Variants in STX8 observed in about 807,000 individuals in gnomAD.
The protein encoded by STX8 is syntaxin 8, also known as syntaxin-8.
Under a neutral mutation model 37.5 loss-of-function variants are expected in STX8, and 23 were observed. The ratio of observed to expected loss-of-function variants is 0.61; its 90% CI spans 0.44 to 0.87. STX8 has a LOEUF of 0.87. Ranked by LOEUF, STX8 falls within the 40% of genes least tolerant of loss-of-function variation. STX8 has a pLI of 0.00. For missense variants in STX8, 313 were observed against 284.7 expected (o/e 1.10, Z -0.71); for synonymous variants, 115 against 99.1 (o/e 1.16, Z -0.95).
At chr17:9,314,234 T>C (rs1258941377) in intron 7 of STX8, among the ~76,000 whole-genome samples, 1 of 152,182 alleles carries the variant, frequency 6.6e-6, no homozygotes, top group Non-Finnish European at 1.5e-5. Context: ...CCAATGTCCG[T>C]GAGGAATAGA....
intron 7 of STX8, among the ~76,000 whole-genome samples, chr17:9,317,392 G>T (rs1204370828): frequency 6.6e-6 from 1 of 152,140 alleles, no homozygotes; most frequent in Non-Finnish European, 1.5e-5. Context: ...AGGATTCACT[G>T]AAGATCTTTA....
At chr17:9,558,822 CAA>C (rs35485022) in intron 2 of STX8, among the ~76,000 whole-genome samples, 15 of 104,394 alleles carry the variant, frequency 1.4e-4, no homozygotes, top group Non-Finnish European at 1.4e-4. Context: ...GACTCCGTCT[CAA>C]AAAAAAAAAA....
intron 4 of STX8, among the ~76,000 whole-genome samples, chr17:9,513,369 C>G (rs1905079838): frequency 6.8e-6 from 1 of 147,354 alleles, no homozygotes; most frequent in African/African-American, 2.5e-5. Flanking sequence ...GACAAATGAT[C>G]TGACCAGACA....
chr17:9,554,904 CAA>C (rs34545907), intron 3 of STX8: 10 of 55,542 alleles, frequency 1.8e-4, no homozygotes, highest in Admixed American at 2.1e-4. Flanking sequence ...GACTCCATCT[CAA>C]AAAAAAAAAA....
intron 4 of STX8, among the ~76,000 whole-genome samples, chr17:9,508,867 A>C (rs1904934173): frequency 6.6e-6 from 1 of 152,250 alleles, no homozygotes; most frequent in African/African-American, 2.4e-5. Context: ...AAGCTAAAAG[A>C]ATCCCAAATA....
chr17:9,368,220 A>T (rs1181445906), intron 7 of STX8, among the ~76,000 whole-genome samples: 1 of 150,104 alleles, frequency 6.7e-6, no homozygotes, highest in Non-Finnish European at 1.5e-5. Flanking sequence ...GAAAACATTG[A>T]TGGGCCAGGC....
At chr17:9,422,456 C>G (rs1398413126) in intron 6 of STX8, among the ~76,000 whole-genome samples, 1 of 152,222 alleles carries the variant, frequency 6.6e-6, no homozygotes, top group Non-Finnish European at 1.5e-5. Context: ...GACTAATACA[C>G]CCCTCTCCCT....
chr17:9,534,673 A>G (rs779119657), intron 4 of STX8, among the ~76,000 whole-genome samples: 2 of 152,106 alleles, frequency 1.3e-5, no homozygotes, highest in Admixed American at 6.6e-5. Context: ...CTGTAATCCC[A>G]GCTACTTGGG....
chr17:9,370,922 G>GAA (rs11435753), intron 7 of STX8, among the ~76,000 whole-genome samples: 393 of 141,556 alleles, frequency 2.8e-3, no homozygotes, highest in Middle Eastern at 0.015. Context: ...TTAGAAGCTA[G>GAA]AAAAAAAAAA....
intron 6 of STX8, among the ~76,000 whole-genome samples, chr17:9,435,821 CATTT>C (rs1904411394): frequency 2.0e-5 from 3 of 152,078 alleles, no homozygotes; most frequent in Admixed American, 2.0e-4. Flanking sequence ...TAACTATCTC[CATTT>C]ATTCATTCTA....
At chr17:9,384,906 T>G (rs2142293592) in intron 6 of STX8, among the ~76,000 whole-genome samples, 1 of 142,820 alleles carries the variant, frequency 7.0e-6, no homozygotes. Flanking sequence ...GATATATGTA[T>G]GAGGAAGTAA....
chr17:9,534,092 A>G (rs1277217495), intron 4 of STX8, among the ~76,000 whole-genome samples: 1 of 152,222 alleles, frequency 6.6e-6, no homozygotes, highest in Non-Finnish European at 1.5e-5. Flanking sequence ...AAATACAAAA[A>G]AAGCCAAGAT....
chr17:9,495,116 A>T (rs1904336508), intron 5 of STX8, among the ~76,000 whole-genome samples: 2 of 152,200 alleles, frequency 1.3e-5, no homozygotes, highest in African/African-American at 4.8e-5. Flanking sequence ...TCTTTAATTC[A>T]TCTGGAATTT....
chr17:9,444,276 A>AC (rs1904764778), intron 6 of STX8, among the ~76,000 whole-genome samples: 2 of 152,082 alleles, frequency 1.3e-5, no homozygotes, highest in South Asian at 4.1e-4. Flanking sequence ...GGCATGAGCC[A>AC]CCCCTCCCTG....
chr17:9,378,030 A>G (rs1202652054), intron 7 of STX8: 1 of 154,354 alleles, frequency 6.5e-6, no homozygotes, highest in Non-Finnish European at 1.4e-5. Flanking sequence ...CCCTAGATCT[A>G]CTCAATCAGA....
intron 6 of STX8, among the ~76,000 whole-genome samples, chr17:9,436,736 T>C (rs1052127180): frequency 2.0e-5 from 3 of 152,244 alleles, no homozygotes; most frequent in African/African-American, 7.2e-5. Flanking sequence ...AGCTCTGGGA[T>C]GTAGGGATCT....
chr17:9,539,623 A>C (rs1456251315), intron 4 of STX8, among the ~76,000 whole-genome samples: 1 of 152,040 alleles, frequency 6.6e-6, no homozygotes, highest in Non-Finnish European at 1.5e-5. Flanking sequence ...AGGGAAAGAC[A>C]CCTACCCTCC....
chr17:9,424,852 G>A (rs577136749), intron 6 of STX8, among the ~76,000 whole-genome samples: 2 of 152,304 alleles, frequency 1.3e-5, no homozygotes, highest in Non-Finnish European at 2.9e-5. Flanking sequence ...AGATATGACA[G>A]TCCCCTTCCC....
intron 6 of STX8, among the ~76,000 whole-genome samples, chr17:9,442,779 C>T (rs1297197277): frequency 2.0e-5 from 3 of 152,140 alleles, no homozygotes; most frequent in Admixed American, 6.5e-5. Flanking sequence ...TCCCAAATTA[C>T]AGCACTGAGG....
Sources: gnomAD v4.1 joint callset for allele counts (sites outside exome capture counted in the v4.1 genomes callset) on GRCh38, gnomAD v4.1.1 for gene constraint, MANE v1.5 for transcripts, NCBI Gene and HGNC (gene_info 2026-07-23, HGNC 2026-07-21) for gene names.